PTPRM: variants seen among roughly 807,000 people sequenced by gnomAD.
The protein encoded by PTPRM is protein tyrosine phosphatase receptor type M.
PTPRM carries 47 observed loss-of-function variants against 186.7 expected under a neutral mutation model. The ratio of observed to expected loss-of-function variants is 0.25; its 90% CI spans 0.20 to 0.32. PTPRM has a LOEUF of 0.32. Ranked by LOEUF, PTPRM falls within the 10% of genes least tolerant of loss-of-function variation. The pLI is 1.00. For synonymous variants in PTPRM, 668 were observed against 674.9 expected (o/e 0.99, Z 0.16); for missense variants, 1,494 against 1,865.0 (o/e 0.80, Z 3.66).
At chr18:7,714,400 C>G (rs1228322599) in intron 1 of PTPRM, among the ~76,000 whole-genome samples, 1 of 151,956 alleles carries the variant, frequency 6.6e-6, no homozygotes, top group Non-Finnish European at 1.5e-5. Flanking sequence ...CACTAAATGC[C>G]CACAAGAGAA....
At chr18:8,317,565 T>C (rs1317793295) in intron 21 of PTPRM, among the ~76,000 whole-genome samples, 1 of 151,964 alleles carries the variant, frequency 6.6e-6, no homozygotes, top group African/African-American at 2.4e-5. Context: ...TGAGAGCAGA[T>C]GGAGGAAAAT....
chr18:8,190,576 G>A (rs951959472), intron 14 of PTPRM, among the ~76,000 whole-genome samples: 1 of 152,124 alleles, frequency 6.6e-6, no homozygotes, highest in South Asian at 2.1e-4. Context: ...AAGAATCAGT[G>A]ACTAAATTAA....
chr18:7,923,593 A>G (rs967575719), intron 4 of PTPRM, among the ~76,000 whole-genome samples: 2 of 152,168 alleles, frequency 1.3e-5, no homozygotes, highest in Admixed American at 1.3e-4. Flanking sequence ...ACCAGAGATA[A>G]AGGTTTATAT....
At chr18:8,013,356 A>G (rs1474407818) in intron 7 of PTPRM, among the ~76,000 whole-genome samples, 1 of 152,220 alleles carries the variant, frequency 6.6e-6, no homozygotes, top group Non-Finnish European at 1.5e-5. Context: ...ACTGTTGACC[A>G]GAAGCCTTAC....
At chr18:7,999,544 G>A (rs546829583) in intron 7 of PTPRM, among the ~76,000 whole-genome samples, 3 of 152,056 alleles carry the variant, frequency 2.0e-5, no homozygotes, top group Admixed American at 6.5e-5. Flanking sequence ...TGGGATGCTA[G>A]GCACAGAAGA....
At chr18:8,296,842 C>T (rs956686952) in intron 20 of PTPRM, among the ~76,000 whole-genome samples, 22 of 152,152 alleles carry the variant, frequency 1.4e-4, no homozygotes, top group African/African-American at 5.3e-4. Flanking sequence ...CAAACATTAA[C>T]TCATTAATCC....
intron 32 of PTPRM, chr18:8,403,182 T>C (rs609949): frequency 0.3 from 45,028 of 152,162 alleles, 8,294 homozygotes; most frequent in East Asian, 0.51. Context: ...ACAACTGGAT[T>C]CATGTTTCCT....
chr18:7,811,741 G>C (rs1326635044), intron 2 of PTPRM, among the ~76,000 whole-genome samples: 1 of 152,082 alleles, frequency 6.6e-6, no homozygotes, highest in East Asian at 1.9e-4. Flanking sequence ...GTGACACATG[G>C]GGCTGGGTTC....
At chr18:8,117,644 GA>G (rs2092006762) in intron 13 of PTPRM, among the ~76,000 whole-genome samples, 1 of 152,090 alleles carries the variant, frequency 6.6e-6, no homozygotes, top group Non-Finnish European at 1.5e-5. Context: ...ACGTGTGGGG[GA>G]TTGCCTATAT....
intron 2 of PTPRM, among the ~76,000 whole-genome samples, chr18:7,816,443 G>A (rs1041183404): frequency 6.6e-6 from 1 of 152,060 alleles, no homozygotes; most frequent in East Asian, 1.9e-4. Context: ...TTGCAAAATA[G>A]GAATAAAGGA....
At chr18:7,834,491 T>TACACACACACACAC (rs36162599) in intron 2 of PTPRM, among the ~76,000 whole-genome samples, 5,423 of 84,560 alleles carry the variant, frequency 0.064, 347 homozygotes, top group Non-Finnish European at 0.087. Context: ...TATACAAGTA[T>TACACACACACACAC]ACACACACAC....
At chr18:7,992,314 C>T (rs1471137223) in intron 7 of PTPRM, among the ~76,000 whole-genome samples, 1 of 152,134 alleles carries the variant, frequency 6.6e-6, no homozygotes, top group Non-Finnish European at 1.5e-5. Flanking sequence ...GAAAATCTTA[C>T]TACAATCAAG....
At chr18:7,952,824 G>C (rs2053061837) in intron 6 of PTPRM, among the ~76,000 whole-genome samples, 1 of 152,126 alleles carries the variant, frequency 6.6e-6, no homozygotes, top group African/African-American at 2.4e-5. Context: ...CGGCCAACAT[G>C]GTGAAACTCC....
At chr18:8,042,135 C>G (rs945675820) in intron 7 of PTPRM, among the ~76,000 whole-genome samples, 1 of 152,126 alleles carries the variant, frequency 6.6e-6, no homozygotes, top group Non-Finnish European at 1.5e-5. Context: ...GAGGAGTAAT[C>G]AAGCACTGGG....
chr18:8,293,159 C>G (rs1382167081), intron 19 of PTPRM, among the ~76,000 whole-genome samples: 1 of 152,166 alleles, frequency 6.6e-6, no homozygotes, highest in Non-Finnish European at 1.5e-5. Context: ...TGGGCCCCAT[C>G]TGTAGGAAAA....
Position 7,957,397 on chromosome 18 carries a change from A to G in PTPRM, c.1132+1983A>G, listed in dbSNP as rs147888256. ...AGTTATTTTTAAGAAATGAAAACCA[A>G]TTTTGAATTGATATTTGTAGGCCCA... On this transcript the variant is annotated intron_variant, in intron 7 of 32. Coordinates refer to ENST00000580170, the MANE Select transcript of PTPRM (RefSeq NM_001105244.2). Among the ~76,000 whole-genome samples the G allele has an allele frequency of 6.8e-4, 103 of 152,318 alleles. No individual in the cohort carries two copies. In the South Asian group the frequency reaches 0.016, roughly 23 times the overall value.
chr18:8,376,361 A>T, intron 25 of PTPRM, 101 bp from the exon 26 acceptor site: 2 of 1,575,546 alleles, frequency 1.3e-6, no homozygotes. Flanking sequence ...TAAGAGGTTT[A>T]ATTTTATATT....
chr18:8,262,487 GTACTCGCCACCC>G (rs915915357), intron 19 of PTPRM, among the ~76,000 whole-genome samples: 1 of 152,154 alleles, frequency 6.6e-6, no homozygotes, highest in Non-Finnish European at 1.5e-5. Context: ...TTCTGCTCAT[GTACTCGCCACCC>G]TGCCATCCTC....
At chr18:7,974,788 CT>C (rs2054820392) in intron 7 of PTPRM, among the ~76,000 whole-genome samples, 1 of 152,172 alleles carries the variant, frequency 6.6e-6, no homozygotes, top group Non-Finnish European at 1.5e-5. Flanking sequence ...TAACTTTTTT[CT>C]TTCAATCTTT....
Sources: allele counts gnomAD v4.1 joint callset (sites outside exome capture counted in the v4.1 genomes callset), GRCh38; gene constraint gnomAD v4.1.1; transcripts MANE v1.5; gene names NCBI Gene and HGNC (gene_info 2026-07-23, HGNC 2026-07-21).